Variants in EIF4ENIF1 observed in about 807,000 individuals in gnomAD.
EIF4ENIF1 encodes eukaryotic translation initiation factor 4E nuclear import factor 1.
Under a neutral mutation model 110.5 loss-of-function variants are expected in EIF4ENIF1, and 23 were observed. The observed-to-expected ratio is 0.21, with a 90% confidence interval of 0.15 to 0.29. The LOEUF is 0.29. EIF4ENIF1 is among the 10% of genes least tolerant of loss of function. The pLI is 1.00. For synonymous variants in EIF4ENIF1, 440 were observed against 437.0 expected (o/e 1.01, Z -0.09); for missense variants, 1,031 against 1,221.1 (o/e 0.84, Z 2.32).
chr22:31,493,475 G>C (rs2052299862), upstream of EIF4ENIF1, among the ~76,000 whole-genome samples: 1 of 152,126 alleles, frequency 6.6e-6, no homozygotes, highest in African/African-American at 2.4e-5. Context: ...ACAGGCCTGT[G>C]CCACCACACC....
upstream of EIF4ENIF1, among the ~76,000 whole-genome samples, chr22:31,490,122 A>T (rs1463339988): frequency 6.6e-6 from 1 of 152,136 alleles, no homozygotes. Flanking sequence ...CCCAGAGGCC[A>T]CCGCCGCCGC....
intron 2 of EIF4ENIF1, among the ~76,000 whole-genome samples, chr22:31,475,734 A>AAG (rs2051548084): frequency 6.6e-6 from 1 of 150,976 alleles, no homozygotes; most frequent in East Asian, 1.9e-4. Flanking sequence ...AAAAAAAAAA[A>AAG]AAAAAAATTC....
chr22:31,447,692 A>T (rs2050518637), intron 13 of EIF4ENIF1, 127 bp from the exon 14 acceptor site: 2 of 1,006,016 alleles, frequency 2.0e-6, no homozygotes, highest in Non-Finnish European at 2.8e-6. Context: ...TGCGAAACTG[A>T]CTAGATTGTG....
chr22:31,446,376 G>A (rs140470683), intron 14 of EIF4ENIF1, among the ~76,000 whole-genome samples: 1 of 151,390 alleles, frequency 6.6e-6, no homozygotes, highest in African/African-American at 2.4e-5. Context: ...CAGAAAGCAC[G>A]TGAGAGGGGT....
At chr22:31,471,982 G>T (rs1209052929) in intron 2 of EIF4ENIF1, 65 bp from the exon 3 acceptor site, 8 of 1,282,608 alleles carry the variant, frequency 6.2e-6, no homozygotes, top group Non-Finnish European at 7.7e-6. Flanking sequence ...TTAAACTTCT[G>T]TTCTGAATAA....
intron 17 of EIF4ENIF1, among the ~76,000 whole-genome samples, 200 bp downstream of exon 17, chr22:31,441,572 AAG>A (rs1245430549): frequency 0.025 from 3,622 of 143,594 alleles, 127 homozygotes; most frequent in African/African-American, 0.1. Flanking sequence ...AAAAAAAAAA[AAG>A]AATCTTCAAG....
At chr22:31,451,709 C>G (rs188708732) in intron 10 of EIF4ENIF1, among the ~76,000 whole-genome samples, 12 of 151,364 alleles carry the variant, frequency 7.9e-5, no homozygotes, top group Admixed American at 7.9e-4. Context: ...CCAGGCTGGC[C>G]TTGAACTTCT....
Position 31,463,743 on chromosome 22 carries a change from T to C in EIF4ENIF1, c.523A>G (p.Lys175Glu). 2 of 1,613,724 alleles carry C rather than the reference T, an allele frequency of 1.2e-6. No homozygotes were observed. The highest frequency in any genetic ancestry group is 1.7e-6 in the Non-Finnish European group (2 of 1,179,970). Residue 175 changes from lysine (K) to glutamate (E), a missense_variant, in exon 5 of 19, where the codon AAG (lysine) becomes GAG (glutamate). Lys to Glu is a moderately conservative substitution (Grantham distance 56). Coordinates refer to ENST00000330125, the MANE Select transcript of EIF4ENIF1 (RefSeq NM_019843.4). Reference protein sequence around the residue: ...TFEKDHRLSDKDLRDLRDRDR... With the variant: ...TFEKDHRLSDEDLRDLRDRDR... ...CTGTCTCTCAAGTCCCGCAGGTCCT[T>C]ATCGCTAAGACGGTGATCCTTCTCA...
intron 6 of EIF4ENIF1, among the ~76,000 whole-genome samples, chr22:31,461,196 T>G (rs1171467923): frequency 6.6e-6 from 1 of 152,188 alleles, no homozygotes; most frequent in Non-Finnish European, 1.5e-5. Context: ...AAAATTATCC[T>G]TTTCTAAGCA....
At chr22:31,466,586 A>C (rs1244979326) in intron 4 of EIF4ENIF1, among the ~76,000 whole-genome samples, 1 of 143,192 alleles carries the variant, frequency 7.0e-6, no homozygotes, top group Non-Finnish European at 1.5e-5. Context: ...TGTCTCAAAA[A>C]AACAACAAAA....
At chr22:31,450,525 G>C (rs2050613700) in intron 10 of EIF4ENIF1, 165 bp from the exon 11 acceptor site, 1 of 512,526 alleles carries the variant, frequency 2.0e-6, no homozygotes, top group African/African-American at 2.0e-5. Flanking sequence ...CATCACACAG[G>C]TCTCAAAGAT....
At chr22:31,492,114 C>T (rs2052291802), upstream of EIF4ENIF1, among the ~76,000 whole-genome samples, 1 of 152,122 alleles carries the variant, frequency 6.6e-6, no homozygotes, top group South Asian at 2.1e-4. Flanking sequence ...GTCCCTGGAA[C>T]ACTTACACAT....
intron 4 of EIF4ENIF1, among the ~76,000 whole-genome samples, chr22:31,465,768 C>T (rs1354322669): frequency 2.0e-5 from 3 of 152,074 alleles, no homozygotes; most frequent in African/African-American, 7.2e-5. Context: ...TGGAAACAAC[C>T]CAAATGTACA....
rs777305932 is a variant in EIF4ENIF1, at chr22:31,455,996, A to G, written c.964-9T>C. 5 of 1,612,462 alleles carry G rather than the reference A, an allele frequency of 3.1e-6. No homozygotes were observed. The highest frequency in any genetic ancestry group is 2.5e-6 in the Non-Finnish European group (3 of 1,179,576). On this transcript the variant is annotated splice_polypyrimidine_tract_variant and intron_variant, in intron 7 of 18. Coordinates refer to ENST00000330125, the MANE Select transcript of EIF4ENIF1 (RefSeq NM_019843.4). ...AAAACATCTTCTATCATCTGAAGAA[A>G]AAGACAATAAAAACTAATAGTTTCT...
chr22:31,441,850 C>T lies in EIF4ENIF1; in HGVS notation c.2475G>A (p.Gln825=), dbSNP rs1045649564. The stretch of plus-strand genomic sequence containing the variant: ...TCCTCTGTACCAACCCTGGGTGAAG[C>T]TGGTGAGCAGGCCTAACCATAGGGA... ...PHVPMVRPAH[Q]LHPGLVQRML... The change falls in exon 17 of 19, where the codon CAG becomes CAA. Residue 825 remains glutamine, a synonymous_variant. Transcript: ENST00000330125. 13 of 1,614,138 alleles carry T rather than the reference C, an allele frequency of 8.1e-6. No homozygotes were observed. Among genetic ancestry groups the T allele is most frequent in the Non-Finnish European group, 1.1e-5 (13 of 1,180,012 alleles).
intron 2 of EIF4ENIF1, among the ~76,000 whole-genome samples, chr22:31,483,186 G>GA (rs1254551924): frequency 3.4e-5 from 5 of 147,168 alleles, no homozygotes; most frequent in Non-Finnish European, 6.0e-5. Context: ...AAAGTTGAAT[G>GA]AGCACCACTG....
At chr22:31,478,974 C>T (rs901272258) in intron 2 of EIF4ENIF1, among the ~76,000 whole-genome samples, 1 of 147,772 alleles carries the variant, frequency 6.8e-6, no homozygotes, top group Non-Finnish European at 1.5e-5. Flanking sequence ...AAAAAGTTTG[C>T]TCTCTTTACA....
At chr22:31,463,651 TAAAA>T (rs71319194) in intron 5 of EIF4ENIF1, 26 bp downstream of exon 5, 388 of 1,331,590 alleles carry the variant, frequency 2.9e-4, no homozygotes, top group East Asian at 4.7e-4. Flanking sequence ...CGTCTCAATT[TAAAA>T]AAAAAAAAAA....
intron 13 of EIF4ENIF1, 113 bp from the exon 14 acceptor site, chr22:31,447,678 A>G: frequency 8.5e-7 from 1 of 1,176,346 alleles, no homozygotes; most frequent in Non-Finnish European, 1.2e-6. Context: ...AAAAAATTAG[A>G]TACTGCGAAA....
Sources: gnomAD v4.1 joint callset for allele counts (sites outside exome capture counted in the v4.1 genomes callset) on GRCh38, gnomAD v4.1.1 for gene constraint, MANE v1.5 for transcripts, NCBI Gene and HGNC (gene_info 2026-07-23, HGNC 2026-07-21) for gene names.